The following ZNF516 variants were observed in gnomAD, a reference collection of about 807,000 sequenced individuals.
ZNF516 encodes zinc finger protein 516.
ZNF516 carries 19 observed loss-of-function variants against 79.7 expected under a neutral mutation model. That is an observed-to-expected ratio of 0.24 (90% confidence interval 0.17 to 0.35). ZNF516 has a LOEUF of 0.35. Ranked by LOEUF, ZNF516 falls within the 10% of genes least tolerant of loss-of-function variation. The pLI is 1.00. For missense variants in ZNF516, 1,678 were observed against 1,679.5 expected (o/e 1.00, Z 0.02); for synonymous variants, 877 against 739.5 (o/e 1.19, Z -3.02).
chr18:76,473,637 TA>T (rs754416587), intron 1 of ZNF516, among the ~76,000 whole-genome samples: 78 of 151,916 alleles, frequency 5.1e-4, no homozygotes, highest in South Asian at 2.3e-3. Flanking sequence ...CTGTCTCTAC[TA>T]AAAATACAAA....
chr18:76,491,211 C>G, intron 1 of ZNF516: 1 of 677,004 alleles, frequency 1.5e-6, no homozygotes, highest in Non-Finnish European at 1.8e-6. Context: ...GCCGCGCGGA[C>G]CCCCGCCTGC....
rs1418573645 is a variant in ZNF516, at chr18:76,379,482, A to G, written c.2632T>C (p.Trp878Arg). The change falls in exon 4 of 7, where the codon TGG becomes CGG. Residue 878 changes from tryptophan (W) to arginine (R), a missense_variant. Physicochemically the swap from Trp to Arg is moderately radical, Grantham distance 101. Transcript: ENST00000443185. ...ESHSGGPCAL[W>R]APGPDGYRQT... ...CGATACCCGTCAGGGCCGGGCGCCC[A>G]CAGAGCGCAGGGACCTCCGGAATGG... The G allele has an allele frequency of 8.1e-6, 13 of 1,613,562 alleles. No homozygotes were observed. The Admixed American group carries it at 2.0e-4, about 25-fold the overall frequency.
chr18:76,445,529 A>T (rs1911989669), intron 2 of ZNF516, among the ~76,000 whole-genome samples: 1 of 152,190 alleles, frequency 6.6e-6, no homozygotes, highest in African/African-American at 2.4e-5. Flanking sequence ...CACACTATTT[A>T]TATCTAACTT....
intron 3 of ZNF516, among the ~76,000 whole-genome samples, chr18:76,423,150 A>ATTC (rs2075529721): frequency 6.6e-6 from 1 of 152,200 alleles, no homozygotes; most frequent in Non-Finnish European, 1.5e-5. Context: ...CCACAACACA[A>ATTC]TTTACACGCA....
At chr18:76,363,756 G>A (rs925165154) in intron 6 of ZNF516, among the ~76,000 whole-genome samples, 1 of 152,200 alleles carries the variant, frequency 6.6e-6, no homozygotes, top group African/African-American at 2.4e-5. Flanking sequence ...CATCAACAGG[G>A]CTCACTAAGA....
intron 1 of ZNF516, among the ~76,000 whole-genome samples, chr18:76,481,407 G>A (rs146042660): frequency 6.6e-6 from 1 of 152,338 alleles, no homozygotes; most frequent in East Asian, 1.9e-4. Context: ...GAGGAAGGGT[G>A]GAGGGACACT....
chr18:76,490,013 G>A (rs902444578), intron 1 of ZNF516: 1 of 220,176 alleles, frequency 4.5e-6, no homozygotes, highest in Middle Eastern at 2.3e-3. Flanking sequence ...TGGTGTTTCA[G>A]TATATTCAAA....
intron 3 of ZNF516, among the ~76,000 whole-genome samples, chr18:76,419,472 T>C (rs76945169): frequency 0.019 from 2,845 of 152,330 alleles, 47 homozygotes; most frequent in African/African-American, 0.041. Context: ...TAACAATACA[T>C]AAATAAAATA....
rs1239135425 is a variant in ZNF516, at chr18:76,360,640, A to ATATAT, written c.*1857_*1858insATATA. ...TATCAGAAAAAAATAAGTAAAAAAA[A>ATATAT]AAAAAAATATATATATATATATATA... On this transcript the variant is annotated 3_prime_UTR_variant, in exon 7 of 7. Coordinates refer to ENST00000443185, the MANE Select transcript of ZNF516 (RefSeq NM_014643.4). 9.3e-6 allele frequency: 1 copy of ATATAT among 107,494 alleles called. No homozygotes were observed. Among genetic ancestry groups the ATATAT allele is most frequent in the African/African-American group, 3.5e-5 (1 of 28,764 alleles). The allele number at this position is 107,494 out of a possible 1,614,324, so 6.7% of individuals were successfully genotyped here.
At chr18:76,483,540 A>G (rs1234480798) in intron 1 of ZNF516, among the ~76,000 whole-genome samples, 2 of 152,098 alleles carry the variant, frequency 1.3e-5, no homozygotes, top group African/African-American at 4.8e-5. Flanking sequence ...CTGAGAACCC[A>G]TGAGTGCCAA....
chr18:76,380,758 A>T (rs2074878209), intron 3 of ZNF516, among the ~76,000 whole-genome samples: 1 of 152,210 alleles, frequency 6.6e-6, no homozygotes, highest in African/African-American at 2.4e-5. Context: ...TGGAGCCCAC[A>T]GTCACAGAAG....
intron 2 of ZNF516, among the ~76,000 whole-genome samples, chr18:76,460,639 C>A (rs28620445): frequency 0.018 from 2,683 of 152,142 alleles, 92 homozygotes; most frequent in African/African-American, 0.062. Context: ...CCTTTTTCAA[C>A]GAGCCCAGTT....
At chr18:76,429,893 G>A (rs1457568734) in intron 3 of ZNF516, among the ~76,000 whole-genome samples, 1 of 152,164 alleles carries the variant, frequency 6.6e-6, no homozygotes, top group African/African-American at 2.4e-5. Flanking sequence ...TTGTTACTGA[G>A]GTTTCAAAAC....
At chr18:76,426,661 G>T (rs1022733329) in intron 3 of ZNF516, among the ~76,000 whole-genome samples, 2 of 151,998 alleles carry the variant, frequency 1.3e-5, no homozygotes, top group African/African-American at 4.8e-5. Flanking sequence ...AAAGAAAGCC[G>T]CAAGAGTCCA....
chr18:76,491,160 G>GGCGCGGT, intron 1 of ZNF516: 2 of 943,654 alleles, frequency 2.1e-6, no homozygotes, highest in Non-Finnish European at 2.5e-6. Flanking sequence ...CCAATTACCT[G>GGCGCGGT]GGCTCCGCCG....
chr18:76,488,675 T>G (rs1914980114), intron 1 of ZNF516, among the ~76,000 whole-genome samples: 1 of 152,230 alleles, frequency 6.6e-6, no homozygotes, highest in Admixed American at 6.5e-5. Flanking sequence ...ACTTCCAAGT[T>G]CAAACATTTA....
At position 76,426,162 on chromosome 18, in the gene ZNF516, C is replaced by A. The variant is rs550196185; in HGVS notation, c.1810+15083G>T. ...TTTCCACAAGCATTGTTCTGACCCTCGATAGAGCTAATCCACGTGTTTAAA... is the reference window on the plus strand; with the variant it reads ...TTTCCACAAGCATTGTTCTGACCCTAGATAGAGCTAATCCACGTGTTTAAA... On this transcript the variant is annotated intron_variant, in intron 3 of 6. Transcript: ENST00000443185. 5.9e-5 allele frequency among the ~76,000 whole-genome samples: 9 copies of A among 152,322 alleles called. No individual in the cohort carries two copies. The East Asian group carries it at 1.7e-3, about 29-fold the overall frequency.
At chr18:76,410,105 T>C (rs1408175068) in intron 3 of ZNF516, among the ~76,000 whole-genome samples, 4 of 152,224 alleles carry the variant, frequency 2.6e-5, no homozygotes, top group African/African-American at 4.8e-5. Context: ...ATGAGTCCAC[T>C]AAGCCTCTTT....
rs546788582 is a variant in ZNF516, at chr18:76,451,977, G to A, written c.-157-8766C>T. Among the ~76,000 whole-genome samples, 52 of 152,248 alleles carry A rather than the reference G, an allele frequency of 3.4e-4. No homozygotes were observed. Among genetic ancestry groups the A allele is most frequent in the South Asian group, 1.5e-3 (7 of 4,824 alleles). On this transcript the variant is annotated intron_variant, in intron 2 of 6. Coordinates refer to ENST00000443185, the MANE Select transcript of ZNF516 (RefSeq NM_014643.4). This position sits in a 1 kb window ranked among gnomAD's most constrained non-coding sequence, Gnocchi z 6.0. ...CATTCACTATTGGGAGAGTAAGTACGGCCGATGACAGGCCTGGAGGCGGCT... is the reference window on the plus strand; with the variant it reads ...CATTCACTATTGGGAGAGTAAGTACAGCCGATGACAGGCCTGGAGGCGGCT...
Sources: gnomAD v4.1 joint callset for allele counts (sites outside exome capture counted in the v4.1 genomes callset) on GRCh38, gnomAD v4.1.1 for gene constraint, Gnocchi (gnomAD v3.1) non-coding constraint, MANE v1.5 for transcripts, NCBI Gene and HGNC (gene_info 2026-07-23, HGNC 2026-07-21) for gene names.